The following ROBO1 variants were observed in gnomAD, a reference collection of about 807,000 sequenced individuals.
ROBO1 encodes roundabout homolog 1.
Under a neutral mutation model 195.9 loss-of-function variants are expected in ROBO1, and 149 were observed. The observed-to-expected ratio is 0.76, with a 90% CI of 0.67 to 0.87. ROBO1 has a LOEUF of 0.87. Ranked by LOEUF, ROBO1 falls within the 40% of genes least tolerant of loss-of-function variation. The pLI is 0.00. For missense variants in ROBO1, 1,933 were observed against 2,068.3 expected, an observed-to-expected ratio of 0.93 and a Z score of 1.27; for synonymous variants, 816 against 733.2, an observed-to-expected ratio of 1.11 and a Z score of -1.82.
intron 4 of ROBO1, among the ~76,000 whole-genome samples, chr3:78,901,625 A>G (rs2037592339): frequency 6.6e-6 from 1 of 152,184 alleles, no homozygotes; most frequent in African/African-American, 2.4e-5. Context: ...GGGAAATTTG[A>G]CTGCAGTGGG....
intron 1 of ROBO1, among the ~76,000 whole-genome samples, chr3:79,683,108 T>TATTTG (rs1279351073): frequency 1.3e-5 from 2 of 152,042 alleles, no homozygotes; most frequent in African/African-American, 4.8e-5. Flanking sequence ...AAATTTAATA[T>TATTTG]ATTTGATTTT....
chr3:78,604,709 GT>G (rs929322509), intron 29 of ROBO1, among the ~76,000 whole-genome samples: 4 of 152,076 alleles, frequency 2.6e-5, no homozygotes, highest in African/African-American at 4.8e-5. Context: ...TGCCCTCTGT[GT>G]TGAAAAGAAG....
intron 2 of ROBO1, among the ~76,000 whole-genome samples, chr3:79,351,763 G>C (rs2035352057): frequency 1.3e-5 from 2 of 151,964 alleles, no homozygotes; most frequent in Admixed American, 1.3e-4. Context: ...ATTTTCTTAT[G>C]AAAAGATCTG....
At chr3:79,523,618 G>A (rs1049510436) in intron 2 of ROBO1, among the ~76,000 whole-genome samples, 3 of 151,392 alleles carry the variant, frequency 2.0e-5, no homozygotes, top group Admixed American at 2.0e-4. Context: ...GATTACAGGC[G>A]CCCGCCACCA....
At chr3:79,345,449 T>C (rs1033481021) in intron 2 of ROBO1, among the ~76,000 whole-genome samples, 2 of 152,092 alleles carry the variant, frequency 1.3e-5, no homozygotes, top group Non-Finnish European at 2.9e-5. Context: ...TTCTTCCTTT[T>C]ATCTAGATGG....
chr3:78,830,562 G>A (rs896325198), intron 4 of ROBO1, among the ~76,000 whole-genome samples: 2 of 152,200 alleles, frequency 1.3e-5, no homozygotes, highest in Non-Finnish European at 2.9e-5. Flanking sequence ...GGAGAAGAAT[G>A]AAAACCCAGT....
rs933376258 is a variant in ROBO1 at position 79,712,530 on chromosome 3, G to A, written c.-51+55222C>T. On this transcript the variant is annotated intron_variant, in intron 1 of 30. Transcript: ENST00000464233. ...GCAGAAGTTGGTTACTAAGGTTTAA[G>A]AAAAGAAGTTGTCTGCATAACATAA... Among the ~76,000 whole-genome samples, 3 of 152,112 alleles carry A rather than the reference G, an allele frequency of 2.0e-5. No individual in the cohort carries two copies. In the East Asian group the frequency reaches 5.8e-4, roughly 29 times the overall value.
At chr3:78,992,175 C>T (rs1180125250) in intron 3 of ROBO1, among the ~76,000 whole-genome samples, 2 of 152,122 alleles carry the variant, frequency 1.3e-5, no homozygotes, top group African/African-American at 4.8e-5. Flanking sequence ...GTGCCATATG[C>T]CTTCCTAATG....
At chr3:79,645,538 G>T (rs1945794861) in intron 1 of ROBO1, among the ~76,000 whole-genome samples, 1 of 151,944 alleles carries the variant, frequency 6.6e-6, no homozygotes, top group South Asian at 2.1e-4. Flanking sequence ...TTGTTAAAGT[G>T]TCTATTCTAC....
rs890711881 is a variant in ROBO1 at position 79,674,149 on chromosome 3, A to T, written c.-50-84188T>A. ...AAAGTTTCTGTTATAGTCTACTATTATACTATGATATTCAGATTAACAAAG... is the reference window on the plus strand; with the variant it reads ...AAAGTTTCTGTTATAGTCTACTATTTTACTATGATATTCAGATTAACAAAG... On this transcript the variant is annotated intron_variant, in intron 1 of 30. Transcript: ENST00000464233. Among the ~76,000 whole-genome samples the T allele has an allele frequency of 9.9e-5, 15 of 152,064 alleles. 1 individual carries two copies. Among genetic ancestry groups the T allele is most frequent in the African/African-American group, 3.6e-4 (15 of 41,440 alleles).
At chr3:79,411,808 G>A (rs2037779988) in intron 2 of ROBO1, among the ~76,000 whole-genome samples, 1 of 152,108 alleles carries the variant, frequency 6.6e-6, no homozygotes, top group Non-Finnish European at 1.5e-5. Flanking sequence ...AAGTTCTAAA[G>A]CAACCTCTCG....
At chr3:79,562,132 C>T (rs1002425965) in intron 2 of ROBO1, among the ~76,000 whole-genome samples, 6 of 152,058 alleles carry the variant, frequency 3.9e-5, no homozygotes, top group Admixed American at 6.6e-5. Context: ...GGAAGTTCAA[C>T]AACAAAGTTC....
At chr3:78,697,045 GACAC>G (rs10663468) in intron 8 of ROBO1, among the ~76,000 whole-genome samples, 342 of 146,428 alleles carry the variant, frequency 2.3e-3, no homozygotes, top group Middle Eastern at 6.8e-3. Flanking sequence ...GTCACACACA[GACAC>G]ACACACACAC....
chr3:79,668,999 A>G (rs1366480611), intron 1 of ROBO1, among the ~76,000 whole-genome samples: 1 of 151,804 alleles, frequency 6.6e-6, no homozygotes, highest in Non-Finnish European at 1.5e-5. Flanking sequence ...TAGAGTTGAA[A>G]ACTTTCTATC....
intron 9 of ROBO1, among the ~76,000 whole-genome samples, chr3:78,686,338 C>T (rs60749216): frequency 0.26 from 39,404 of 151,816 alleles, 5,281 homozygotes; most frequent in African/African-American, 0.32. Context: ...AGGCGGATCA[C>T]GAGGTCAGGA....
intron 1 of ROBO1, among the ~76,000 whole-genome samples, chr3:79,715,969 C>T (rs1702465413): frequency 6.6e-6 from 1 of 151,948 alleles, no homozygotes; most frequent in South Asian, 2.1e-4. Flanking sequence ...TGTGACTCTG[C>T]TTTTTCCTTT....
chr3:79,074,472 G>T (rs571175624), intron 3 of ROBO1, among the ~76,000 whole-genome samples: 3 of 151,910 alleles, frequency 2.0e-5, no homozygotes, highest in Non-Finnish European at 4.4e-5. Context: ...CTAGCTTGGA[G>T]TTCAATGGTG....
intron 3 of ROBO1, among the ~76,000 whole-genome samples, chr3:79,031,388 A>C (rs962461341): frequency 2.0e-5 from 3 of 152,238 alleles, no homozygotes; most frequent in Admixed American, 2.0e-4. Context: ...GTGATCTACA[A>C]GATAAAGGAA....
chr3:78,785,395 C>G (rs1242001419), intron 4 of ROBO1, among the ~76,000 whole-genome samples: 1 of 152,194 alleles, frequency 6.6e-6, no homozygotes, highest in Non-Finnish European at 1.5e-5. Context: ...TCTCAACTTA[C>G]TACCTACCCA....
Sources: allele counts gnomAD v4.1 joint callset (sites outside exome capture counted in the v4.1 genomes callset), GRCh38; gene constraint gnomAD v4.1.1; transcripts MANE v1.5; gene names NCBI Gene and HGNC (gene_info 2026-07-23, HGNC 2026-07-21).